The following ARSD variants were observed in gnomAD, a reference collection of about 807,000 sequenced individuals.
The protein encoded by ARSD is arylsulfatase D.
In ARSD, 21 loss-of-function variants were observed where a neutral mutation model predicts 32.6. The ratio of observed to expected loss-of-function variants is 0.64; its 90% CI spans 0.46 to 0.93. The LOEUF is 0.93. ARSD is among the 40% of genes least tolerant of loss of function. The pLI, the probability that ARSD is intolerant of heterozygous loss-of-function variation, is 0.00. For synonymous variants in ARSD, 224 were observed against 237.4 expected (o/e 0.94, Z 0.52); for missense variants, 454 against 520.9 (o/e 0.87, Z 1.25).
intron 9 of ARSD, among the ~76,000 whole-genome samples, chrX:2,908,242 T>C (rs184212091): frequency 2.7e-5 from 3 of 111,496 alleles, no homozygotes; most frequent in East Asian, 5.7e-4. Context: ...TATCTATCTA[T>C]CTATCTATCA....
At chrX:2,921,476 T>C (rs1173675106) in intron 3 of ARSD, among the ~76,000 whole-genome samples, 1 of 112,203 alleles carries the variant, frequency 8.9e-6, no homozygotes, top group Non-Finnish European at 1.9e-5. Flanking sequence ...CATCATCATC[T>C]AGATATCTAG....
intron 4 of ARSD, among the ~76,000 whole-genome samples, chrX:2,919,968 C>T (rs1019356462): frequency 1.8e-5 from 2 of 111,427 alleles, no homozygotes; most frequent in African/African-American, 6.5e-5. Context: ...CATAAATCAC[C>T]CATGAGCACA....
intron 2 of ARSD, among the ~76,000 whole-genome samples, chrX:2,923,901 G>T (rs1341253949): frequency 8.9e-6 from 1 of 112,125 alleles, no homozygotes; most frequent in Non-Finnish European, 1.9e-5. Context: ...TGTGGTGACA[G>T]ATGCACAGCT....
At chrX:2,920,521 C>T in intron 4 of ARSD, 80 bp downstream of exon 4, 1 of 1,179,683 alleles carries the variant, frequency 8.5e-7, no homozygotes, top group Non-Finnish European at 1.1e-6. Context: ...CAGGCGTGCG[C>T]CACCACGCCT....
At chrX:2,921,119 AT>A (rs2089024757) in intron 3 of ARSD, among the ~76,000 whole-genome samples, 1 of 110,769 alleles carries the variant, frequency 9.0e-6, no homozygotes, top group Admixed American at 9.6e-5. Flanking sequence ...CTAGCCCCAA[AT>A]GTCCCTCATG....
In ARSD at chrX:2,915,627, G is replaced by A. The variant is rs201066862; in HGVS notation, c.929C>T (p.Thr310Met). The change falls in exon 6 of 10, where the codon ACG (threonine) becomes ATG (methionine). Residue 310 changes from threonine (T) to methionine (M), a missense_variant. Thr to Met is a moderately conservative substitution (Grantham distance 81). Coordinates refer to ENST00000381154, the MANE Select transcript of ARSD (RefSeq NM_001669.4). ...CTGACTTTTCCCCAGGAATGCACTC[G>A]TGGTCACAAGGGGAATGTGCACATG... Reference protein sequence around the residue: ...LLHVHIPLVTTSAFLGKSQHG... With the variant: ...LLHVHIPLVTMSAFLGKSQHG... 16 of 1,209,531 alleles carry A rather than the reference G, an allele frequency of 1.3e-5. No individual in the cohort carries two copies. Among genetic ancestry groups the A allele is most frequent in the Admixed American group, 4.4e-5 (2 of 45,692 alleles).
chrX:2,914,685 A>G (rs200794491), intron 6 of ARSD: 1 of 1,026,088 alleles, frequency 9.7e-7, no homozygotes, highest in East Asian at 6.1e-5. Context: ...TGAAGGCCAT[A>G]GAAGGAAGAC....
Position 2,905,425 on chromosome X carries a change from G to A in ARSD, c.*1846C>T. On this transcript the variant is annotated 3_prime_UTR_variant, in exon 10 of 10. Transcript: ENST00000381154. ...GGGGTCCCAGCTGTGCAGTAGGTTAGGACTACACTTCCATCATCAAAGCCA... is the reference window on the plus strand; with the variant it reads ...GGGGTCCCAGCTGTGCAGTAGGTTAAGACTACACTTCCATCATCAAAGCCA... The A allele has an allele frequency of 7.9e-6, 1 of 127,157 alleles. No homozygotes were observed. Among genetic ancestry groups the A allele is most frequent in the Admixed American group, 8.7e-5 (1 of 11,452 alleles). The allele number at this position is 127,157 out of a possible 1,213,427, so 10.5% of individuals were successfully genotyped here.
chrX:2,918,057 T>C lies in ARSD; in HGVS notation c.610A>G (p.Thr204Ala), dbSNP rs777881035. Residue 204 changes from threonine (T) to alanine (A), a missense_variant, in exon 5 of 10, where the codon ACC (threonine) becomes GCC (alanine). This residue lies in a region of ARSD where 271 missense variants were observed against 301.0 expected (regional missense o/e 0.90). Transcript: ENST00000381154. Reference protein sequence around the residue: ...AALRAQLWGYTQFLALGILTL... With the variant: ...AALRAQLWGYAQFLALGILTL... Reference sequence around the variant, plus strand: ...AGAATCCCCAGCGCCAGGAACTGGGTGTAACCCCAGAGCTGCGCCCTCAGG... The same window carrying C: ...AGAATCCCCAGCGCCAGGAACTGGGCGTAACCCCAGAGCTGCGCCCTCAGG... The C allele has an allele frequency of 2.5e-6, 3 of 1,201,894 alleles. No individual in the cohort carries two copies. Among genetic ancestry groups the C allele is most frequent in the Non-Finnish European group, 3.4e-6 (3 of 890,391 alleles).
Position 2,918,173 on chromosome X carries a change from G to A in ARSD, c.494C>T (p.Pro165Leu). 8.4e-7 allele frequency: 1 copy of A among 1,193,693 alleles called. No individual in the cohort carries two copies. The highest frequency in any genetic ancestry group is 1.1e-6 in the Non-Finnish European group (1 of 884,279). Residue 165 changes from proline (P) to leucine (L), a missense_variant, in exon 5 of 10, where the codon CCC becomes CTC. Transcript: ENST00000381154. Reference sequence around the variant, plus strand: ...GAAATAGTCAAATCCGTGGTTCAGGGGGTGGTGGCAGTGATCCCCGCGGGA... The same window carrying A: ...GAAATAGTCAAATCCGTGGTTCAGGAGGTGGTGGCAGTGATCCCCGCGGGA... Reference protein sequence around the residue: ...CASRGDHCHHPLNHGFDYFYG... With the variant: ...CASRGDHCHHLLNHGFDYFYG...
chrX:2,924,265 C>T (rs2089059556), intron 2 of ARSD, among the ~76,000 whole-genome samples: 1 of 113,409 alleles, frequency 8.8e-6, no homozygotes, highest in African/African-American at 3.2e-5. Flanking sequence ...AACTCCTGGG[C>T]TCAAGTGATC....
chrX:2,925,807 T>C (rs2089077727), intron 1 of ARSD, 42 bp from the exon 2 acceptor site: 7 of 1,190,466 alleles, frequency 5.9e-6, no homozygotes, highest in Non-Finnish European at 5.7e-6. Context: ...ATCTACAATT[T>C]GGCAAGGGAA....
intron 4 of ARSD, among the ~76,000 whole-genome samples, chrX:2,918,473 G>A (rs1363310535): frequency 8.9e-6 from 1 of 112,469 alleles, no homozygotes; most frequent in Non-Finnish European, 1.9e-5. Context: ...ACTTTCGGCC[G>A]GGCGCGGTGG....
intron 2 of ARSD, chrX:2,923,269 T>G: frequency 8.3e-6 from 2 of 240,477 alleles, no homozygotes; most frequent in Non-Finnish European, 1.6e-5. Context: ...AGGCCAGGAG[T>G]TCGAGACAAG....
chrX:2,907,474 G>A lies in ARSD; in HGVS notation c.1579C>T (p.Arg527Trp), dbSNP rs1569085008. ...FDLSRDPSEA[R>W]PLTPDSEPLY... ...GGCTCGGAGTCGGGGGTCAGGGGCC[G>A]TGCCTCGGAGGGGTCCCTGGAGAGG... is the stretch of plus-strand genomic sequence containing the variant. The change falls in exon 10 of 10, where the codon CGG (arginine) becomes TGG (tryptophan). Residue 527 changes from arginine to tryptophan, a missense_variant. Physicochemically the swap from Arg to Trp is moderately radical, Grantham distance 101 (BLOSUM62 -3). Around this residue, in one of 3 missense-constraint regions of ARSD, gnomAD observed 179 missense variants for 198.5 expected, o/e 0.90. Transcript: ENST00000381154. 10 of 1,207,013 alleles carry A rather than the reference G, an allele frequency of 8.3e-6. No homozygotes were observed. Among genetic ancestry groups the A allele is most frequent in the Middle Eastern group, 2.3e-4 (1 of 4,365 alleles).
intron 1 of ARSD, among the ~76,000 whole-genome samples, chrX:2,928,750 G>A (rs1359628458): frequency 2.8e-5 from 3 of 106,410 alleles, no homozygotes; most frequent in Non-Finnish European, 5.9e-5. Flanking sequence ...GGAGCCTTGG[G>A]GCGGGACGGG....
rs756452941 is a variant in ARSD, at chrX:2,909,812, C to T, written c.1298+5G>A. 2.5e-6 allele frequency: 3 copies of T among 1,198,188 alleles called. No homozygotes were observed. Among genetic ancestry groups the T allele is most frequent in the Non-Finnish European group, 3.4e-6 (3 of 887,116 alleles). The stretch of plus-strand genomic sequence containing the variant: ...CAGGGAACAGGCAGCCTTATCTCCA[C>T]GTACCTGTCCTGGGGCACCTCGCCA... On this transcript the variant is annotated splice_donor_5th_base_variant and intron_variant, in intron 8 of 9. Coordinates refer to ENST00000381154, the MANE Select transcript of ARSD (RefSeq NM_001669.4).
intron 6 of ARSD, among the ~76,000 whole-genome samples, chrX:2,912,415 C>T (rs746497659): frequency 5.4e-5 from 6 of 111,373 alleles, no homozygotes; most frequent in African/African-American, 3.3e-5. Flanking sequence ...ACGTCTTACA[C>T]GTGCTGATTG....
chrX:2,917,980 T>C lies in ARSD; in HGVS notation c.687A>G (p.Ala229=), dbSNP rs770732401. 8.3e-7 allele frequency: 1 copy of C among 1,209,884 alleles called. No individual in the cohort carries two copies. Among genetic ancestry groups the C allele is most frequent in the East Asian group, 3.0e-5 (1 of 33,715 alleles). Residue 229 remains alanine (A), a synonymous_variant, in exon 5 of 10, where the codon GCA becomes GCG. Coordinates refer to ENST00000381154, the MANE Select transcript of ARSD (RefSeq NM_001669.4). ...TCGFFSVSAR[A]VTGMAGVGCL... ...AGCCCACGCCGGCCATGCCGGTGAC[T>C]GCTCTCGCGGAGACAGAGAAGAAAC...
Sources: gnomAD v4.1 joint callset for allele counts (sites outside exome capture counted in the v4.1 genomes callset) on GRCh38, gnomAD v4.1.1 for gene constraint, gnomAD v4.1.1 regional missense constraint, MANE v1.5 for transcripts, NCBI Gene and HGNC (gene_info 2026-07-23, HGNC 2026-07-21) for gene names.